SSBP3: variants seen among roughly 807,000 people sequenced by gnomAD.
SSBP3 encodes the protein single stranded DNA binding protein 3.
Under a neutral mutation model 69.6 loss-of-function variants are expected in SSBP3, and 5 were observed. The ratio of observed to expected loss-of-function variants is 0.07; its 90% CI spans 0.04 to 0.15. SSBP3 has a LOEUF of 0.15. SSBP3 is among the 10% of genes least tolerant of loss of function. SSBP3 has a pLI of 1.00. For synonymous variants in SSBP3, 196 were observed against 193.4 expected, an observed-to-expected ratio of 1.01 and a Z score of -0.11; for missense variants, 312 against 534.0, an observed-to-expected ratio of 0.58 and a Z score of 4.10.
chr1:54,238,933 T>G, intron 14 of SSBP3, 196 bp downstream of exon 14: 6 of 367,940 alleles, frequency 1.6e-5, no homozygotes, highest in Non-Finnish European at 2.2e-5. Context: ...GTCCCACCCC[T>G]TCCTCTCCCA....
intron 17 of SSBP3, 25 bp downstream of exon 17, chr1:54,228,230 G>GC: frequency 1.2e-6 from 2 of 1,606,326 alleles, no homozygotes; most frequent in Non-Finnish European, 8.5e-7. Flanking sequence ...GGGGACGAGA[G>GC]CAACAGGCAG....
intron 7 of SSBP3, 32 bp downstream of exon 7, chr1:54,257,095 G>C (rs775474722): frequency 6.3e-7 from 1 of 1,590,038 alleles, no homozygotes; most frequent in South Asian, 1.2e-5. Context: ...ATGGCTGAGG[G>C]AGGGGAGAGA....
At position 54,371,502 on chromosome 1, in the gene SSBP3, C is replaced by G. The variant is rs541218602; in HGVS notation, c.276+30359G>C. Among the ~76,000 whole-genome samples the G allele has an allele frequency of 2.0e-5, 3 of 152,252 alleles. No homozygotes were observed. In the East Asian group the frequency reaches 5.8e-4, roughly 29 times the overall value. ...GCCTTCCTCTACTGTGACACGGGCACAGGAATGGGAGAGAGACACACCCAG... is the reference window on the plus strand; with the variant it reads ...GCCTTCCTCTACTGTGACACGGGCAGAGGAATGGGAGAGAGACACACCCAG... On this transcript the variant is annotated intron_variant, in intron 4 of 17. Transcript: ENST00000610401.
chr1:54,290,083 G>C (rs965484292), intron 4 of SSBP3, among the ~76,000 whole-genome samples: 3 of 152,208 alleles, frequency 2.0e-5, no homozygotes, highest in Non-Finnish European at 4.4e-5. Context: ...GTCAAGCCCA[G>C]ATCTGCTAAA....
intron 4 of SSBP3, among the ~76,000 whole-genome samples, chr1:54,282,456 C>T (rs1320582511): frequency 3.9e-5 from 6 of 152,196 alleles, no homozygotes; most frequent in African/African-American, 1.2e-4. Context: ...GTGGGGGGAC[C>T]GTCATTCCTT....
At chr1:54,276,414 C>A (rs557490622) in intron 5 of SSBP3, among the ~76,000 whole-genome samples, 1 of 151,658 alleles carries the variant, frequency 6.6e-6, no homozygotes, top group Non-Finnish European at 1.5e-5. Flanking sequence ...AATTCGAGAC[C>A]GGCCTGGCCA....
upstream of SSBP3, among the ~76,000 whole-genome samples, chr1:54,406,665 G>A (rs938495173): frequency 3.9e-5 from 6 of 151,998 alleles, no homozygotes; most frequent in African/African-American, 1.4e-4. Flanking sequence ...ATCGGGCTGG[G>A]GGCACCCTGG....
At chr1:54,377,365 G>C (rs1314971936) in intron 4 of SSBP3, among the ~76,000 whole-genome samples, 1 of 152,260 alleles carries the variant, frequency 6.6e-6, no homozygotes, top group Non-Finnish European at 1.5e-5. Context: ...AGTGTGCTGA[G>C]TGCTGAGTGT....
At chr1:54,312,918 C>T (rs1646029127) in intron 4 of SSBP3, among the ~76,000 whole-genome samples, 1 of 152,030 alleles carries the variant, frequency 6.6e-6, no homozygotes, top group Non-Finnish European at 1.5e-5. Context: ...TTCAGAAAGG[C>T]AGGCCCAGGA....
chr1:54,275,907 G>A (rs1645275153), intron 5 of SSBP3, among the ~76,000 whole-genome samples: 1 of 152,174 alleles, frequency 6.6e-6, no homozygotes, highest in African/African-American at 2.4e-5. Context: ...TGCAGGAGAT[G>A]GGGAAAGATT....
intron 4 of SSBP3, among the ~76,000 whole-genome samples, chr1:54,333,620 C>A (rs1557540589): frequency 6.6e-6 from 1 of 152,310 alleles, no homozygotes; most frequent in East Asian, 1.9e-4. Context: ...GGGTTTAAAT[C>A]CCAGCTCTGC....
intron 5 of SSBP3, among the ~76,000 whole-genome samples, chr1:54,261,550 G>A (rs1645017503): frequency 6.6e-6 from 1 of 152,218 alleles, no homozygotes; most frequent in Non-Finnish European, 1.5e-5. Flanking sequence ...AAGGTGAGAG[G>A]AGGAGGGAGT....
At chr1:54,309,073 A>G (rs553969302) in intron 4 of SSBP3, among the ~76,000 whole-genome samples, 17 of 152,366 alleles carry the variant, frequency 1.1e-4, no homozygotes, top group African/African-American at 3.6e-4. Flanking sequence ...TAGAGACTCA[A>G]TGGGGTCATC....
intron 4 of SSBP3, among the ~76,000 whole-genome samples, chr1:54,385,327 C>T (rs919845320): frequency 4.6e-5 from 7 of 152,166 alleles, no homozygotes; most frequent in African/African-American, 1.7e-4. Flanking sequence ...TGTCCTCACC[C>T]CTGCTCCCCA....
chr1:54,254,058 G>C (rs1644877825), intron 7 of SSBP3, among the ~76,000 whole-genome samples: 1 of 152,222 alleles, frequency 6.6e-6, no homozygotes, highest in African/African-American at 2.4e-5. Context: ...AATGACCAAG[G>C]AAAGGGGTCT....
intron 4 of SSBP3, among the ~76,000 whole-genome samples, chr1:54,399,050 A>G (rs1649100363): frequency 6.6e-6 from 1 of 152,236 alleles, no homozygotes; most frequent in Non-Finnish European, 1.5e-5. Flanking sequence ...ATGTCTCTAA[A>G]AGAACACCAT....
Position 54,350,148 on chromosome 1 carries a change from T to TGAA in SSBP3, c.276+51710_276+51712dup, listed in dbSNP as rs562057232. On this transcript the variant is annotated intron_variant, in intron 4 of 17. Coordinates refer to ENST00000610401, the Ensembl canonical transcript of SSBP3. ...AAGGCATCTCAGCAGAGTGACAGTGTGAAGATCTGGGAAGCTGAAGCCTTC... is the reference window on the plus strand; with the variant it reads ...AAGGCATCTCAGCAGAGTGACAGTGTGAAGAAGATCTGGGAAGCTGAAGCCTTC... Among the ~76,000 whole-genome samples the TGAA allele has an allele frequency of 5.9e-5, 9 of 152,296 alleles. No individual in the cohort carries two copies. The East Asian group carries it at 1.5e-3, about 26-fold the overall frequency.
chr1:54,240,101 TGTGCGTGCGCGCGCGC>T (rs1557448982), intron 13 of SSBP3, among the ~76,000 whole-genome samples: 5 of 7,158 alleles, frequency 7.0e-4, no homozygotes, highest in East Asian at 8.6e-3. Flanking sequence ...CGCGCGCGCG[TGTGCGTGCGCGCGCGC>T]GCGCAACACA....
At chr1:54,389,098 T>C (rs74073607) in intron 4 of SSBP3, among the ~76,000 whole-genome samples, 3,624 of 152,292 alleles carry the variant, frequency 0.024, 130 homozygotes, top group African/African-American at 0.082. Context: ...GTTTTTCTGT[T>C]GACTAGAATT....
Sources: allele counts gnomAD v4.1 joint callset (sites outside exome capture counted in the v4.1 genomes callset), GRCh38; gene constraint gnomAD v4.1.1; transcripts MANE v1.5; gene names NCBI Gene and HGNC (gene_info 2026-07-23, HGNC 2026-07-21).